Variants in C6 observed in about 807,000 individuals in gnomAD.
C6 encodes complement C6.
A neutral mutation model predicts 112.9 loss-of-function variants in C6; 101 were observed. The ratio of observed to expected loss-of-function variants is 0.89; its 90% CI spans 0.76 to 1.06. C6 has a LOEUF of 1.06. Among genes scored for constraint, C6 ranks in the 50% least tolerant of loss-of-function variants. The pLI is 0.00. For missense variants in C6, 1,202 were observed against 1,104.6 expected (o/e 1.09, Z -1.25); for synonymous variants, 431 against 384.1 (o/e 1.12, Z -1.43).
intron 6 of C6, 122 bp downstream of exon 6, chr5:41,185,948 C>G (rs370667788): frequency 8.6e-7 from 1 of 1,166,972 alleles, no homozygotes; most frequent in African/African-American, 1.5e-5. Flanking sequence ...ACACATAACA[C>G]GTGATTAAAA....
chr5:41,233,815 G>A (rs73074085), intron 1 of C6, among the ~76,000 whole-genome samples: 17,094 of 152,038 alleles, frequency 0.11, 1,936 homozygotes, highest in African/African-American at 0.29. Flanking sequence ...GCCACGTTAA[G>A]TTATTGGCAG....
Position 41,155,089 on chromosome 5 carries a change from A to G in C6, c.1984T>C (p.Tyr662His). 1.2e-6 allele frequency: 2 copies of G among 1,613,550 alleles called. No individual in the cohort carries two copies. The highest frequency in any genetic ancestry group is 1.7e-6 in the Non-Finnish European group (2 of 1,179,584). The change falls in exon 14 of 18, where the codon TAC becomes CAC. Residue 662 changes from tyrosine (Y) to histidine (H), a missense_variant. Physicochemically the swap from Tyr to His is moderately conservative, Grantham distance 83. Coordinates refer to ENST00000337836, the MANE Select transcript of C6 (RefSeq NM_000065.5). ...ATTTCAACATCTTCTCCAACCAAGT[A>G]TAGTTGCTTTTCATTCTTAATTAAA... ...NGFIRNEKQL[Y>H]LVGEDVEISC... is the part of the protein sequence containing the mutation.
upstream of C6, among the ~76,000 whole-genome samples, chr5:41,218,506 C>T (rs1738960485): frequency 6.6e-6 from 1 of 152,082 alleles, no homozygotes; most frequent in South Asian, 2.1e-4. Context: ...TAATGTTTAT[C>T]CAACTATTGT....
intron 15 of C6, among the ~76,000 whole-genome samples, chr5:41,152,057 G>A (rs1223781851): frequency 6.6e-6 from 1 of 151,778 alleles, no homozygotes; most frequent in South Asian, 2.1e-4. Context: ...GAGGAGAGGA[G>A]AGGAAAGGAG....
chr5:41,192,255 A>C (rs1750273663), intron 5 of C6, among the ~76,000 whole-genome samples: 1 of 152,150 alleles, frequency 6.6e-6, no homozygotes, highest in Admixed American at 6.6e-5. Flanking sequence ...TAATTATAGT[A>C]GATATCTGGG....
chr5:41,234,626 A>G (rs567188463), intron 1 of C6, among the ~76,000 whole-genome samples: 3 of 152,250 alleles, frequency 2.0e-5, no homozygotes, highest in Non-Finnish European at 4.4e-5. Context: ...CTAATGACTA[A>G]TGAACCAATT....
At chr5:41,160,390 A>C in intron 10 of C6, 23 bp from the exon 11 acceptor site, 1 of 1,573,306 alleles carries the variant, frequency 6.4e-7, no homozygotes, top group Non-Finnish European at 8.7e-7. Context: ...GGGAGAGAGG[A>C]GGTCCAGTCA....
At chr5:41,246,504 T>A (rs1490574681) in intron 1 of C6, among the ~76,000 whole-genome samples, 4 of 152,090 alleles carry the variant, frequency 2.6e-5, no homozygotes, top group Non-Finnish European at 5.9e-5. Context: ...AATCTTCAGG[T>A]GCAAAAAAAA....
intron 1 of C6, among the ~76,000 whole-genome samples, chr5:41,219,740 C>T (rs564619491): frequency 6.6e-6 from 1 of 152,260 alleles, no homozygotes; most frequent in Non-Finnish European, 1.5e-5. Flanking sequence ...GTTTTAACAT[C>T]TAAGGGAGAA....
At chr5:41,186,692 T>C (rs13159740) in intron 5 of C6, among the ~76,000 whole-genome samples, 63,498 of 151,704 alleles carry the variant, frequency 0.42, 13,582 homozygotes, top group African/African-American at 0.45. Flanking sequence ...TAAAATATAT[T>C]TTATTTAACA....
chr5:41,243,012 G>A (rs1191841775), intron 1 of C6, among the ~76,000 whole-genome samples: 1 of 152,138 alleles, frequency 6.6e-6, no homozygotes, highest in Non-Finnish European at 1.5e-5. Flanking sequence ...GGAGGAATGG[G>A]AAGATAATGG....
chr5:41,216,700 T>C (rs1342141071), upstream of C6, among the ~76,000 whole-genome samples: 2 of 152,154 alleles, frequency 1.3e-5, no homozygotes, highest in Non-Finnish European at 2.9e-5. Context: ...CTTGCCATCA[T>C]GTCTATGGCT....
rs538741900 is a variant in C6 at position 41,222,350 on chromosome 5, G to C, written c.-20-19100C>G. Among the ~76,000 whole-genome samples, 8 of 151,814 alleles carry C rather than the reference G, an allele frequency of 5.3e-5. No homozygotes were observed. In the South Asian group the frequency reaches 8.3e-4, roughly 16 times the overall value. On this transcript the variant is annotated intron_variant, in intron 1 of 17. Transcript: ENST00000263413. The stretch of plus-strand genomic sequence containing the variant: ...GTTACAAAGTTGTTATATGCTAATA[G>C]CTTTTTAATTTTTTAAATATTACAT...
At chr5:41,170,743 G>A (rs1748360601) in intron 9 of C6, among the ~76,000 whole-genome samples, 1 of 152,020 alleles carries the variant, frequency 6.6e-6, no homozygotes, top group African/African-American at 2.4e-5. Context: ...TTTCTTGTCT[G>A]TCTTCTCCAT....
intron 1 of C6, among the ~76,000 whole-genome samples, chr5:41,234,040 G>A (rs1463053032): frequency 6.6e-6 from 1 of 152,020 alleles, no homozygotes; most frequent in Non-Finnish European, 1.5e-5. Flanking sequence ...ATACATAGAT[G>A]AGTGAACTTT....
At chr5:41,224,410 AT>A (rs1486452549) in intron 1 of C6, among the ~76,000 whole-genome samples, 1 of 152,040 alleles carries the variant, frequency 6.6e-6, no homozygotes, top group African/African-American at 2.4e-5. Flanking sequence ...ATTTTTCCCT[AT>A]CCCTCCTCCC....
intron 5 of C6, among the ~76,000 whole-genome samples, chr5:41,189,426 G>A (rs1271517251): frequency 6.6e-6 from 1 of 151,902 alleles, no homozygotes; most frequent in Non-Finnish European, 1.5e-5. Flanking sequence ...ATGATACAAT[G>A]GGTTGTTATT....
chr5:41,181,284 C>T, intron 7 of C6, 75 bp downstream of exon 7: 1 of 1,344,872 alleles, frequency 7.4e-7, no homozygotes, highest in Non-Finnish European at 1.1e-6. Flanking sequence ...AAACTCTCCC[C>T]TTCTTATTGC....
chr5:41,209,885 C>A (rs545124276), intron 1 of C6, among the ~76,000 whole-genome samples: 2 of 152,106 alleles, frequency 1.3e-5, no homozygotes, highest in Non-Finnish European at 2.9e-5. Flanking sequence ...TCATATGGTA[C>A]CAAAAAAGAG....
Sources: gnomAD v4.1 joint callset for allele counts (sites outside exome capture counted in the v4.1 genomes callset) on GRCh38, gnomAD v4.1.1 for gene constraint, MANE v1.5 for transcripts, NCBI Gene and HGNC (gene_info 2026-07-23, HGNC 2026-07-21) for gene names.